Variants in ANKRD36B observed in about 807,000 individuals in gnomAD.
ANKRD36B encodes the protein ankyrin repeat domain-containing protein 36B.
A neutral mutation model predicts 135.7 loss-of-function variants in ANKRD36B; 37 were observed. The observed-to-expected ratio is 0.27, with a 90% CI of 0.21 to 0.36. The LOEUF (loss-of-function observed/expected upper bound fraction) is 0.36. ANKRD36B is among the 10% of genes least tolerant of loss of function. The pLI is 1.00. For missense variants in ANKRD36B, 549 were observed against 1,037.1 expected (o/e 0.53, Z 6.46); for synonymous variants, 179 against 348.1 (o/e 0.51, Z 5.41).
At chr2:97,525,162 T>C (rs547370569) in intron 35 of ANKRD36B, among the ~76,000 whole-genome samples, 1 of 97,212 alleles carries the variant, frequency 1.0e-5, no homozygotes, top group African/African-American at 3.1e-5. Flanking sequence ...AAAACACAAA[T>C]CATGAAACTT....
chr2:97,580,592 A>G, intron 3 of ANKRD36B, 24 bp from the exon 4 acceptor site: 2 of 1,529,534 alleles, frequency 1.3e-6, no homozygotes, highest in Non-Finnish European at 1.8e-6. Flanking sequence ...GCAACAATTT[A>G]TAATCACAAA....
At chr2:97,581,643 C>G (rs932103818) in intron 3 of ANKRD36B, among the ~76,000 whole-genome samples, 3 of 152,102 alleles carry the variant, frequency 2.0e-5, no homozygotes, top group Admixed American at 2.0e-4. Context: ...TATTTGTATT[C>G]TAGTTTCCAA....
intron 3 of ANKRD36B, among the ~76,000 whole-genome samples, chr2:97,582,922 T>G (rs189319604): frequency 9.9e-5 from 15 of 152,216 alleles, no homozygotes; most frequent in African/African-American, 3.4e-4. Context: ...ATAGGACTGC[T>G]GCAACTAAAT....
chr2:97,571,923 A>G (rs2081905975), intron 6 of ANKRD36B, among the ~76,000 whole-genome samples: 1 of 152,108 alleles, frequency 6.6e-6, no homozygotes, highest in Non-Finnish European at 1.5e-5. Flanking sequence ...TCTCCTCCCA[A>G]ACAGTGGGTT....
At chr2:97,552,241 C>T (rs1200921433) in intron 16 of ANKRD36B, among the ~76,000 whole-genome samples, 1 of 151,930 alleles carries the variant, frequency 6.6e-6, no homozygotes, top group African/African-American at 2.4e-5. Flanking sequence ...ATATTAATCA[C>T]TTTTTCATTC....
At chr2:97,560,133 G>T (rs201574011) in intron 8 of ANKRD36B, among the ~76,000 whole-genome samples, 3 of 151,718 alleles carry the variant, frequency 2.0e-5, no homozygotes, top group Admixed American at 2.0e-4. Flanking sequence ...GTTCACTCAG[G>T]TTTCCTCAGC....
At position 97,529,036 on chromosome 2, in the gene ANKRD36B, C is replaced by T. The variant is rs1402711952; in HGVS notation, c.2265+3275G>A. On this transcript the variant is annotated intron_variant, in intron 35 of 43. Transcript: ENST00000359901. ...TCCAATCAATAGAAAAGAGGGAATC[C>T]TCCCTAACTCATTTTATGAGGCCAG... is the stretch of plus-strand genomic sequence containing the variant. Among the ~76,000 whole-genome samples, 2 of 96,430 alleles carry T rather than the reference C, an allele frequency of 2.1e-5. 1 individual carries two copies. Among genetic ancestry groups the T allele is most frequent in the Non-Finnish European group, 5.5e-5 (2 of 36,342 alleles). The allele number at this position is 96,430 out of a possible 152,430, so 63.3% of individuals were successfully genotyped here. A position where few individuals can be genotyped will look rare whatever the true frequency, so the allele number is the denominator to read the frequency against.
At chr2:97,545,319 C>A (rs560075542) in intron 24 of ANKRD36B, among the ~76,000 whole-genome samples, 1 of 95,260 alleles carries the variant, frequency 1.0e-5, no homozygotes, top group Non-Finnish European at 2.8e-5. Context: ...TACAATCTGA[C>A]ACCTCTAATA....
intron 6 of ANKRD36B, among the ~76,000 whole-genome samples, chr2:97,562,683 T>G (rs1157122460): frequency 6.6e-6 from 1 of 152,078 alleles, no homozygotes; most frequent in Non-Finnish European, 1.5e-5. Context: ...GACTTGATTC[T>G]TTGACCTCCA....
intron 14 of ANKRD36B, among the ~76,000 whole-genome samples, chr2:97,554,641 T>C (rs954460289): frequency 7.2e-5 from 11 of 151,982 alleles, no homozygotes; most frequent in Admixed American, 7.2e-4. Flanking sequence ...GTGGTCTCGT[T>C]AGTTCTCGTT....
intron 36 of ANKRD36B, among the ~76,000 whole-genome samples, chr2:97,522,831 G>T (rs2104380095): frequency 1.1e-5 from 1 of 90,274 alleles, no homozygotes; most frequent in East Asian, 2.7e-4. Context: ...ACAGAGAAGG[G>T]TATGCAATGA....
intron 6 of ANKRD36B, among the ~76,000 whole-genome samples, chr2:97,562,344 T>A (rs2081101024): frequency 6.6e-6 from 1 of 151,946 alleles, no homozygotes; most frequent in South Asian, 2.1e-4. Flanking sequence ...AAAATCTAGT[T>A]TCACATGATA....
At chr2:97,546,795 A>G in intron 22 of ANKRD36B, among the ~76,000 whole-genome samples, 1 of 151,702 alleles carries the variant, frequency 6.6e-6, no homozygotes, top group African/African-American at 2.4e-5. Flanking sequence ...TTGAACAAGG[A>G]AGCAAATTTA....
chr2:97,494,580 T>C (rs1481020273), intron 43 of ANKRD36B, among the ~76,000 whole-genome samples: 5 of 106,902 alleles, frequency 4.7e-5, no homozygotes, highest in South Asian at 2.2e-4. Context: ...ACCTCCAACA[T>C]TGGGGATCAA....
chr2:97,564,555 T>C (rs909590154), intron 6 of ANKRD36B, among the ~76,000 whole-genome samples: 13 of 152,202 alleles, frequency 8.5e-5, no homozygotes, highest in Non-Finnish European at 1.8e-4. Context: ...AATTTTTGTA[T>C]AAAGTGTAAG....
intron 14 of ANKRD36B, among the ~76,000 whole-genome samples, chr2:97,554,857 G>T (rs988283535): frequency 2.0e-5 from 3 of 151,794 alleles, no homozygotes; most frequent in African/African-American, 7.3e-5. Flanking sequence ...TTCAATGTGG[G>T]GAAGTCTATA....
chr2:97,562,516 A>G, intron 6 of ANKRD36B, among the ~76,000 whole-genome samples: 1 of 152,016 alleles, frequency 6.6e-6, no homozygotes, highest in African/African-American at 2.4e-5. Context: ...GGTTACCCTC[A>G]TCCTTGTAAC....
At position 97,514,902 on chromosome 2, in the gene ANKRD36B, CA is replaced by C. The variant is rs1323736587; in HGVS notation, c.2621+829del. Among the ~76,000 whole-genome samples, 26 of 83,824 alleles carry C rather than the reference CA, an allele frequency of 3.1e-4. 9 individuals are homozygous for C. The highest frequency in any genetic ancestry group is 8.1e-4 in the African/African-American group (22 of 27,184). 55.0% of individuals were successfully genotyped at this position (83,824 alleles called of 152,430 possible). A position where few individuals can be genotyped will look rare whatever the true frequency, so the allele number is the denominator to read the frequency against. On this transcript the variant is annotated intron_variant, in intron 37 of 43. Transcript: ENST00000359901. Reference sequence around the variant, plus strand: ...TGCATATTAAGAATAAAACTGGATACATTTTTTTTTTTTTTTTTTTGAGAGG... The same window carrying C: ...TGCATATTAAGAATAAAACTGGATACTTTTTTTTTTTTTTTTTTTGAGAGG...
chr2:97,545,402 T>C (rs1559147247), intron 24 of ANKRD36B, among the ~76,000 whole-genome samples: 1 of 95,544 alleles, frequency 1.0e-5, no homozygotes, highest in Admixed American at 9.4e-5. Flanking sequence ...AATGATGCTG[T>C]CCCCTGAGCC....
Sources: gnomAD v4.1 joint callset for allele counts (sites outside exome capture counted in the v4.1 genomes callset) on GRCh38, gnomAD v4.1.1 for gene constraint, MANE v1.5 for transcripts, NCBI Gene and HGNC (gene_info 2026-07-23, HGNC 2026-07-21) for gene names.